Variants in XRN1 observed in about 807,000 individuals in gnomAD.
XRN1 encodes the protein 5'-3' exoribonuclease 1, also known as strand-exchange protein 1 homolog.
A neutral mutation model predicts 222.3 loss-of-function variants in XRN1; 67 were observed. The ratio of observed to expected loss-of-function variants is 0.30; its 90% CI spans 0.25 to 0.37. The LOEUF (loss-of-function observed/expected upper bound fraction) is 0.37, where lower values mean the gene tolerates loss of function less well. XRN1 is among the 10% of genes least tolerant of loss of function. The pLI is 1.00. For missense variants in XRN1, 1,707 were observed against 2,000.2 expected, an observed-to-expected ratio of 0.85 and a Z score of 2.80; for synonymous variants, 643 against 652.4, an observed-to-expected ratio of 0.99 and a Z score of 0.22.
chr3:142,372,578 G>A (rs2067020175), intron 25 of XRN1, among the ~76,000 whole-genome samples: 1 of 152,206 alleles, frequency 6.6e-6, no homozygotes. Flanking sequence ...ATTGGGCATT[G>A]ATTTGCGGCT....
chr3:142,400,401 A>G, intron 19 of XRN1, 43 bp downstream of exon 19: 6 of 1,486,896 alleles, frequency 4.0e-6, no homozygotes, highest in Non-Finnish European at 5.5e-6. Flanking sequence ...AAAGTCACAA[A>G]GCAAATATAT....
At chr3:142,332,673 TG>T in intron 35 of XRN1, 139 bp from the exon 36 acceptor site, 1 of 854,678 alleles carries the variant, frequency 1.2e-6, no homozygotes, top group African/African-American at 1.8e-5. Flanking sequence ...AGATAGAAAC[TG>T]AAAAAAAAAA....
intron 30 of XRN1, among the ~76,000 whole-genome samples, chr3:142,358,307 T>C (rs1383283002): frequency 6.6e-6 from 1 of 152,204 alleles, no homozygotes; most frequent in Non-Finnish European, 1.5e-5. Context: ...CCATCTTTCA[T>C]GGCTTTGATA....
At chr3:142,395,182 C>T (rs1274032548) in intron 20 of XRN1, among the ~76,000 whole-genome samples, 1 of 152,166 alleles carries the variant, frequency 6.6e-6, no homozygotes, top group Non-Finnish European at 1.5e-5. Context: ...CAACAGTAAT[C>T]TTGTGAATTT....
chr3:142,346,988 T>C (rs890599827), intron 33 of XRN1, among the ~76,000 whole-genome samples: 13 of 152,224 alleles, frequency 8.5e-5, no homozygotes, highest in Non-Finnish European at 7.3e-5. Flanking sequence ...AAGTAAACTA[T>C]GGGTTGCCAA....
intron 8 of XRN1, 72 bp downstream of exon 8, chr3:142,422,502 TCTACTAAA>T: frequency 7.0e-7 from 1 of 1,425,934 alleles, no homozygotes; most frequent in Non-Finnish European, 9.7e-7. Context: ...CATGCAATAA[TCTACTAAA>T]CTAAGTCACA....
chr3:142,323,706 G>A (rs990744633), intron 37 of XRN1, among the ~76,000 whole-genome samples: 9 of 152,120 alleles, frequency 5.9e-5, no homozygotes, highest in Non-Finnish European at 1.2e-4. Flanking sequence ...GGACGGGCAT[G>A]GTGGCATGTG....
intron 1 of XRN1, among the ~76,000 whole-genome samples, chr3:142,439,751 A>T (rs1220039166): frequency 2.0e-5 from 1 of 49,474 alleles, no homozygotes; most frequent in South Asian, 4.5e-4. Context: ...AAACGGGATT[A>T]AAAAAAAAAA....
chr3:142,403,673 C>T lies in XRN1; in HGVS notation c.2103+1G>A. On this transcript the variant is annotated splice_donor_variant, in intron 18 of 40. Transcript: ENST00000392981. LOFTEE classifies it high-confidence loss of function. ...AAATGAATGATAAATAAAATACTTA[C>T]AAGTTCATCTGATTCTGCATCCACT... 1 of 1,611,174 alleles carries T rather than the reference C, an allele frequency of 6.2e-7. No individual in the cohort carries two copies. Among genetic ancestry groups the T allele is most frequent in the Non-Finnish European group, 8.5e-7 (1 of 1,177,990 alleles).
In XRN1 at chr3:142,310,099, C is replaced by T. The variant is rs906603946; in HGVS notation, c.*1412G>A. The stretch of plus-strand genomic sequence containing the variant: ...TGCTAATACACAAATATCCTGCTAA[C>T]ATTTAAACTCTGAAATCAGCAGTTA... On this transcript the variant is annotated 3_prime_UTR_variant, in exon 41 of 41. Transcript: ENST00000392981. 2 of 152,724 alleles carry T rather than the reference C, an allele frequency of 1.3e-5. No individual in the cohort carries two copies. The highest frequency in any genetic ancestry group is 4.8e-5 in the African/African-American group (2 of 41,558). The allele number at this position is 152,724 out of a possible 1,614,324, so 9.5% of individuals were successfully genotyped here.
At chr3:142,367,483 C>A (rs1335882478) in intron 27 of XRN1, among the ~76,000 whole-genome samples, 1 of 152,030 alleles carries the variant, frequency 6.6e-6, no homozygotes, top group Non-Finnish European at 1.5e-5. Context: ...AAGGAAAGTT[C>A]TACCAGTAAT....
Position 142,365,219 on chromosome 3 carries a change from A to T in XRN1, c.3262-40T>A, listed in dbSNP as rs763555240. ...GCTATTAATTATAATAAACAAAAAA[A>T]TTTTCATACTAATATACTGAAAACA... On this transcript the variant is annotated intron_variant, in intron 28 of 40. Transcript: ENST00000392981. 3.8e-6 allele frequency: 6 copies of T among 1,583,216 alleles called. No homozygotes were observed. In the Admixed American group the frequency reaches 5.7e-5, roughly 15 times the overall value.
At chr3:142,418,936 T>A (rs2068897721) in intron 10 of XRN1, 55 bp from the exon 11 acceptor site, 1 of 1,532,950 alleles carries the variant, frequency 6.5e-7, no homozygotes, top group Non-Finnish European at 9.0e-7. Context: ...CAAAATGAGA[T>A]GTCATTTCTC....
chr3:142,415,274 G>A (rs1322733752), intron 13 of XRN1, among the ~76,000 whole-genome samples: 1 of 152,064 alleles, frequency 6.6e-6, no homozygotes, highest in Non-Finnish European at 1.5e-5. Flanking sequence ...TAATGTTTGA[G>A]TCAGGATACC....
At chr3:142,445,496 G>C (rs923741235) in intron 1 of XRN1, among the ~76,000 whole-genome samples, 2 of 152,008 alleles carry the variant, frequency 1.3e-5, no homozygotes, top group South Asian at 4.2e-4. Context: ...TGAACTTTTA[G>C]AATGAGTAGA....
At chr3:142,414,642 C>G (rs1291794819) in intron 13 of XRN1, among the ~76,000 whole-genome samples, 1 of 151,984 alleles carries the variant, frequency 6.6e-6, no homozygotes, top group Non-Finnish European at 1.5e-5. Flanking sequence ...ACTACAGGCG[C>G]CTGCCACTAT....
intron 3 of XRN1, among the ~76,000 whole-genome samples, chr3:142,426,281 C>A (rs1258509236): frequency 3.9e-5 from 6 of 152,098 alleles, no homozygotes; most frequent in African/African-American, 1.2e-4. Context: ...CTGATAAATT[C>A]ATTTTCCTTA....
intron 1 of XRN1, among the ~76,000 whole-genome samples, chr3:142,444,833 T>C (rs1386635860): frequency 6.9e-6 from 1 of 144,334 alleles, no homozygotes; most frequent in South Asian, 2.2e-4. Context: ...ATACACTATG[T>C]TTCATAAAAA....
intron 13 of XRN1, among the ~76,000 whole-genome samples, chr3:142,416,369 G>C (rs1228093131): frequency 6.6e-6 from 1 of 152,082 alleles, no homozygotes; most frequent in Admixed American, 6.5e-5. Context: ...TTTTAGTAGA[G>C]ATGGGGTTTC....
Sources: allele counts gnomAD v4.1 joint callset (sites outside exome capture counted in the v4.1 genomes callset), GRCh38; gene constraint gnomAD v4.1.1; transcripts MANE v1.5; gene names NCBI Gene and HGNC (gene_info 2026-07-23, HGNC 2026-07-21).